Variants in MUC15 observed in about 807,000 individuals in gnomAD.
MUC15 encodes the protein mucin-15.
MUC15 carries 23 observed loss-of-function variants against 24.0 expected under a neutral mutation model. The observed-to-expected ratio is 0.96, with a 90% confidence interval of 0.69 to 1.36. The LOEUF (loss-of-function observed/expected upper bound fraction) is 1.36. Among genes scored for constraint, MUC15 ranks in the 40% most tolerant of loss-of-function variants. The pLI, the probability that MUC15 is intolerant of heterozygous loss-of-function variation, is 0.00. For missense variants in MUC15, 442 were observed against 428.2 expected (o/e 1.03, Z -0.29); for synonymous variants, 151 against 156.3 (o/e 0.97, Z 0.25).
intron 4 of MUC15, among the ~76,000 whole-genome samples, chr11:26,562,754 G>T (rs2134254063): frequency 6.6e-6 from 1 of 151,962 alleles, no homozygotes; most frequent in Non-Finnish European, 1.5e-5. Flanking sequence ...GCTACTTAAT[G>T]ATCTAACAAT....
At chr11:26,566,664 A>C (rs1264224014) in intron 2 of MUC15, among the ~76,000 whole-genome samples, 1 of 151,876 alleles carries the variant, frequency 6.6e-6, no homozygotes, top group Non-Finnish European at 1.5e-5. Context: ...GTGGGAAAAT[A>C]AGCTAGATAA....
Position 26,559,546 on chromosome 11 carries a change from A to C in MUC15, c.*1519T>G, listed in dbSNP as rs1265064285. 8.7e-6 allele frequency: 5 copies of C among 573,956 alleles called. No individual in the cohort carries two copies. In the East Asian group the frequency reaches 1.4e-4, roughly 17 times the overall value. 35.6% of individuals were successfully genotyped at this position (573,956 alleles called of 1,614,324 possible). A position where few individuals can be genotyped will look rare whatever the true frequency, so the allele number is the denominator to read the frequency against. ...TTCTTCACCTCTCCCCATGAGAAAA[A>C]TCATGTGAAATTGTTGCAAGACCCA... On this transcript the variant is annotated 3_prime_UTR_variant, in exon 5 of 5. Transcript: ENST00000529533.
chr11:26,563,136 T>C lies in MUC15; in HGVS notation c.905A>G (p.Tyr302Cys). Residue 302 changes from tyrosine to cysteine, a missense_variant, in exon 4 of 5, where the codon TAT becomes TGT. Transcript: ENST00000529533. ...TTTACCTGGTTCATTTCTGTCGTCA[T>C]AAAGTCGCCGATGGGAAAATGAATC... The part of the protein sequence containing the change: ...KTDSFSHRRL[Y>C]DDRNEPVLRL... The C allele has an allele frequency of 6.2e-7, 1 of 1,612,168 alleles. No individual in the cohort carries two copies. The highest frequency in any genetic ancestry group is 8.5e-7 in the Non-Finnish European group (1 of 1,178,780).
chr11:26,564,724 CACACACACATATATAT>C (rs1312866443), intron 3 of MUC15, among the ~76,000 whole-genome samples: 52 of 57,330 alleles, frequency 9.1e-4, no homozygotes, highest in African/African-American at 3.1e-3. Flanking sequence ...CACACACACA[CACACACACATATATAT>C]ATATATATAT....
intron 3 of MUC15, among the ~76,000 whole-genome samples, chr11:26,563,676 A>G (rs1481334864): frequency 1.3e-5 from 2 of 151,900 alleles, no homozygotes; most frequent in Non-Finnish European, 2.9e-5. Context: ...TCAAAGGTTA[A>G]AAGCCAATAG....
chr11:26,564,730 CACATATATATATATATATATATATATAT>C (rs1324673340), intron 3 of MUC15, among the ~76,000 whole-genome samples: 10 of 24,014 alleles, frequency 4.2e-4, no homozygotes, highest in Non-Finnish European at 7.1e-4. Flanking sequence ...CACACACACA[CACATATATATATATATATATATATATAT>C]ATATATATAT....
In MUC15 at chr11:26,565,620, T is replaced by C. The variant is rs543535818; in HGVS notation, c.320A>G (p.Asn107Ser). ...GGAGAAATCTGTTATTCCGTGGCTGTTGTTGGGTAGATTCAAAGGAGGGGA... is the reference window on the plus strand; with the variant it reads ...GGAGAAATCTGTTATTCCGTGGCTGCTGTTGGGTAGATTCAAAGGAGGGGA... ...SHSPPLNLPNNSHGITDFSSN... is the reference protein window; with the variant it reads ...SHSPPLNLPNSSHGITDFSSN... Residue 107 changes from asparagine to serine, a missense_variant, in exon 3 of 5, where the codon AAC becomes AGC. Asn to Ser is a conservative substitution (Grantham distance 46). Coordinates refer to ENST00000529533, the MANE Select transcript of MUC15 (RefSeq NM_001135091.2). 24 of 1,612,564 alleles carry C rather than the reference T, an allele frequency of 1.5e-5. No individual in the cohort carries two copies. The highest frequency in any genetic ancestry group is 1.3e-4 in the African/African-American group (10 of 74,904).
intron 3 of MUC15, among the ~76,000 whole-genome samples, chr11:26,564,692 TAC>T (rs370277580): frequency 0.023 from 935 of 40,998 alleles, 128 homozygotes; most frequent in East Asian, 0.086. Flanking sequence ...CTCATATATA[TAC>T]ACACACACAC....
chr11:26,572,096 C>A lies in MUC15; in HGVS notation c.-101G>T. 1 of 985,340 alleles carries A rather than the reference C, an allele frequency of 1.0e-6. No individual in the cohort carries two copies. The allele number at this position is 985,340 out of a possible 1,614,324, so 61.0% of individuals were successfully genotyped here. A position where few individuals can be genotyped will look rare whatever the true frequency, so the allele number is the denominator to read the frequency against. On this transcript the variant is annotated 5_prime_UTR_variant, in exon 1 of 5. Transcript: ENST00000529533. ...AACTGAAATATCACAGTTGTCCTGT[C>A]TGAAAGGAATCTGTCGTGCATTAGA...
At chr11:26,562,784 G>A (rs180956757) in intron 4 of MUC15, among the ~76,000 whole-genome samples, 17 of 151,958 alleles carry the variant, frequency 1.1e-4, no homozygotes, top group African/African-American at 3.9e-4. Flanking sequence ...TAGCTTTGCC[G>A]TCACTTGCTA....
At chr11:26,567,394 A>G (rs1379370920) in intron 1 of MUC15, among the ~76,000 whole-genome samples, 1 of 151,866 alleles carries the variant, frequency 6.6e-6, no homozygotes, top group South Asian at 2.1e-4. Context: ...ATTGTGTGCC[A>G]TTTCTCAACA....
chr11:26,564,727 A>C (rs1850471081), intron 3 of MUC15, among the ~76,000 whole-genome samples: 1 of 44,262 alleles, frequency 2.3e-5, no homozygotes, highest in African/African-American at 1.1e-4. Context: ...ACACACACAC[A>C]CACACATATA....
At chr11:26,562,493 T>C (rs1196210954) in intron 4 of MUC15, among the ~76,000 whole-genome samples, 2 of 151,952 alleles carry the variant, frequency 1.3e-5, no homozygotes, top group African/African-American at 2.4e-5. Context: ...ATTGATATTA[T>C]ATTATTAAAG....
At chr11:26,570,990 AAAGAAAAGACTGGCTTTCTTTC>A (rs1274902413) in intron 1 of MUC15, among the ~76,000 whole-genome samples, 1 of 152,106 alleles carries the variant, frequency 6.6e-6, no homozygotes, top group African/African-American at 2.4e-5. Context: ...AAAAAATAAA[AAAGAAAAGACTGGCTTTCTTTC>A]AAGAAAAAAA....
Position 26,561,065 on chromosome 11 carries a change from C to G in MUC15, c.1086G>C (p.Ter362TyrextTer2), listed in dbSNP as rs752878624. 21 of 1,607,644 alleles carry G rather than the reference C, an allele frequency of 1.3e-5. No homozygotes were observed. The highest frequency in any genetic ancestry group is 1.7e-5 in the Non-Finnish European group (20 of 1,176,850). ...DDIPPLRTSV[*>Y] ...GTTTAACGCCTTTTTGCTGTTAGTTCTATACAGAAGTACGAAGTGGAGGTA... is the reference window on the plus strand; with the variant it reads ...GTTTAACGCCTTTTTGCTGTTAGTTGTATACAGAAGTACGAAGTGGAGGTA... The change falls in exon 5 of 5, where the codon TAG becomes TAC. Residue 362 changes from the stop codon to tyrosine (Y), a stop_lost. Coordinates refer to ENST00000529533, the MANE Select transcript of MUC15 (RefSeq NM_001135091.2).
Position 26,560,845 on chromosome 11 carries a change from GGCTACTTA to G in MUC15, c.*212_*219del, listed in dbSNP as rs1282471726. 2 of 422,666 alleles carry G rather than the reference GGCTACTTA, an allele frequency of 4.7e-6. No individual in the cohort carries two copies. The highest frequency in any genetic ancestry group is 8.3e-6 in the Non-Finnish European group (2 of 240,856). The allele number at this position is 422,666 out of a possible 1,614,324, so 26.2% of individuals were successfully genotyped here. ...AAAATACTACTAAAATACAAATTAA[GGCTACTTA>G]GTAAATGCCTCAGGATGGCCAAAAA... On this transcript the variant is annotated 3_prime_UTR_variant, in exon 5 of 5. Transcript: ENST00000529533.
chr11:26,560,934 C>G lies in MUC15; in HGVS notation c.*131G>C. On this transcript the variant is annotated 3_prime_UTR_variant, in exon 5 of 5. Coordinates refer to ENST00000529533, the MANE Select transcript of MUC15 (RefSeq NM_001135091.2). ...TCCTGTCTACATTTCTGCTACTGGT[C>G]TCCTGCTTTTATGATTCTCCTTGAC... The G allele has an allele frequency of 1.1e-6, 1 of 880,100 alleles. No homozygotes were observed. Among genetic ancestry groups the G allele is most frequent in the African/African-American group, 1.8e-5 (1 of 56,448 alleles). 54.5% of individuals were successfully genotyped at this position (880,100 alleles called of 1,614,324 possible).
chr11:26,567,023 T>C, intron 2 of MUC15, 29 bp downstream of exon 2: 1 of 1,455,460 alleles, frequency 6.9e-7, no homozygotes, highest in Non-Finnish European at 9.1e-7. Flanking sequence ...GGTTACAAAG[T>C]TTACAGTATC....
intron 1 of MUC15, among the ~76,000 whole-genome samples, chr11:26,569,139 T>C (rs1031111431): frequency 6.6e-6 from 1 of 152,058 alleles, no homozygotes; most frequent in Non-Finnish European, 1.5e-5. Flanking sequence ...AATTCTGTTG[T>C]TCCTGTTTCA....
Sources: allele counts gnomAD v4.1 joint callset (sites outside exome capture counted in the v4.1 genomes callset), GRCh38; gene constraint gnomAD v4.1.1; transcripts MANE v1.5; gene names NCBI Gene and HGNC (gene_info 2026-07-23, HGNC 2026-07-21).